Variants in DYNC1I1 observed in about 807,000 individuals in gnomAD.
DYNC1I1 encodes the protein dynein cytoplasmic 1 intermediate chain 1.
DYNC1I1 carries 43 observed loss-of-function variants against 86.6 expected under a neutral mutation model. That is an observed-to-expected ratio of 0.50 (90% confidence interval 0.39 to 0.64). The LOEUF (loss-of-function observed/expected upper bound fraction) is 0.64. DYNC1I1 is among the 30% of genes least tolerant of loss of function. The pLI is 0.00. For synonymous variants in DYNC1I1, 262 were observed against 283.7 expected, an observed-to-expected ratio of 0.92 and a Z score of 0.77; for missense variants, 604 against 788.8, an observed-to-expected ratio of 0.77 and a Z score of 2.81.
At chr7:96,075,346 T>C (rs1790298008) in intron 14 of DYNC1I1, among the ~76,000 whole-genome samples, 1 of 152,070 alleles carries the variant, frequency 6.6e-6, no homozygotes, top group Non-Finnish European at 1.5e-5. Flanking sequence ...AAACACTGGG[T>C]GATCTAGGAA....
chr7:95,841,395 G>A (rs1747711393), intron 5 of DYNC1I1, among the ~76,000 whole-genome samples: 1 of 152,024 alleles, frequency 6.6e-6, no homozygotes, highest in African/African-American at 2.4e-5. Flanking sequence ...GATGTATAGT[G>A]TAACCCCTCC....
chr7:96,083,155 T>C (rs1378192987), intron 16 of DYNC1I1, among the ~76,000 whole-genome samples: 1 of 152,178 alleles, frequency 6.6e-6, no homozygotes. Flanking sequence ...AGCCCTTCTC[T>C]GAATGACCGA....
intron 4 of DYNC1I1, among the ~76,000 whole-genome samples, chr7:95,826,581 C>T (rs1299327617): frequency 1.3e-5 from 2 of 152,050 alleles, no homozygotes; most frequent in Admixed American, 1.3e-4. Flanking sequence ...TGTAGCCACC[C>T]CTGCCATTAT....
intron 14 of DYNC1I1, among the ~76,000 whole-genome samples, chr7:96,068,979 G>T (rs1790078032): frequency 6.6e-6 from 1 of 152,106 alleles, no homozygotes; most frequent in South Asian, 2.1e-4. Context: ...AATAAGTCAA[G>T]CCTGCATATT....
intron 5 of DYNC1I1, among the ~76,000 whole-genome samples, chr7:95,831,962 T>G (rs1362162895): frequency 1.3e-5 from 2 of 152,036 alleles, no homozygotes; most frequent in Non-Finnish European, 2.9e-5. Context: ...TTGTATTGGT[T>G]GTTTTCTTTT....
intron 14 of DYNC1I1, among the ~76,000 whole-genome samples, chr7:96,064,207 CAT>C (rs1226140283): frequency 1.6e-5 from 2 of 122,210 alleles, no homozygotes; most frequent in African/African-American, 6.9e-5. Flanking sequence ...AAGAAATATT[CAT>C]ATCTCTCTCT....
chr7:95,891,327 A>G (rs937865636), intron 6 of DYNC1I1, among the ~76,000 whole-genome samples: 4 of 152,226 alleles, frequency 2.6e-5, no homozygotes, highest in Admixed American at 2.6e-4. Context: ...GTGGGCTTCA[A>G]AATAAAATAG....
At chr7:96,015,284 T>G (rs1794373205) in intron 10 of DYNC1I1, among the ~76,000 whole-genome samples, 1 of 152,184 alleles carries the variant, frequency 6.6e-6, no homozygotes, top group Admixed American at 6.5e-5. Flanking sequence ...ATTATCACAT[T>G]TATTCTAGCT....
Position 95,803,277 on chromosome 7 carries a change from T to G in DYNC1I1, c.-9-1444T>G, listed in dbSNP as rs567622230. 1.8e-4 allele frequency among the ~76,000 whole-genome samples: 28 copies of G among 152,350 alleles called. 1 individual carries two copies. Among genetic ancestry groups the G allele is most frequent in the African/African-American group, 5.0e-4 (21 of 41,596 alleles). ...TCTCAGAGAACATCTCCATCCACAC[T>G]GCATGTCCACAAATTTGAGCTATAC... is the stretch of plus-strand genomic sequence containing the variant. On this transcript the variant is annotated intron_variant, in intron 1 of 16. Coordinates refer to ENST00000447467, the MANE Select transcript of DYNC1I1 (RefSeq NM_001135556.2).
At chr7:96,068,300 A>G (rs931084658) in intron 14 of DYNC1I1, among the ~76,000 whole-genome samples, 1 of 152,224 alleles carries the variant, frequency 6.6e-6, no homozygotes, top group Admixed American at 6.5e-5. Flanking sequence ...TTTGAACAAA[A>G]TATGTTGAAC....
chr7:96,095,372 T>C (rs1790970468), intron 16 of DYNC1I1, among the ~76,000 whole-genome samples: 2 of 152,190 alleles, frequency 1.3e-5, no homozygotes, highest in African/African-American at 2.4e-5. Flanking sequence ...TAATAGTCTA[T>C]AGTTTCTACA....
chr7:95,802,001 A>C (rs1173706576), intron 1 of DYNC1I1, among the ~76,000 whole-genome samples: 2 of 151,900 alleles, frequency 1.3e-5, no homozygotes, highest in Non-Finnish European at 2.9e-5. Context: ...TGCTTGCTCA[A>C]TTACTCCCTT....
intron 6 of DYNC1I1, among the ~76,000 whole-genome samples, chr7:95,932,985 A>T (rs759764282): frequency 6.7e-6 from 1 of 149,994 alleles, no homozygotes; most frequent in Non-Finnish European, 1.5e-5. Context: ...GGCTCAAGTG[A>T]TCCTCCTGCC....
chr7:95,862,832 T>G (rs1418408659), intron 5 of DYNC1I1, among the ~76,000 whole-genome samples: 1 of 152,210 alleles, frequency 6.6e-6, no homozygotes, highest in African/African-American at 2.4e-5. Context: ...CTCAAGTTCT[T>G]TATAGAAACT....
At position 95,786,843 on chromosome 7, in the gene DYNC1I1, G is replaced by A. The variant is rs1475381738; in HGVS notation, c.-10+14070G>A. 2.1e-5 allele frequency among the ~76,000 whole-genome samples: 3 copies of A among 145,004 alleles called. No homozygotes were observed. The East Asian group carries it at 5.8e-4, about 28-fold the overall frequency. On this transcript the variant is annotated intron_variant, in intron 1 of 16. Coordinates refer to ENST00000447467, the MANE Select transcript of DYNC1I1 (RefSeq NM_001135556.2). Reference sequence around the variant, plus strand: ...AGGGACTGGAGCAGTGGGGAGAAATGCGCTCTGATCTGCTAAAGGAGTTTG... The same window carrying A: ...AGGGACTGGAGCAGTGGGGAGAAATACGCTCTGATCTGCTAAAGGAGTTTG...
At chr7:96,054,865 G>C (rs1179908898) in intron 14 of DYNC1I1, among the ~76,000 whole-genome samples, 1 of 152,028 alleles carries the variant, frequency 6.6e-6, no homozygotes, top group African/African-American at 2.4e-5. Flanking sequence ...CTGGATATTA[G>C]CCCTTTGTCA....
intron 4 of DYNC1I1, among the ~76,000 whole-genome samples, chr7:95,823,877 C>G (rs1350645807): frequency 2.0e-5 from 3 of 147,816 alleles, no homozygotes; most frequent in African/African-American, 5.1e-5. Context: ...GAATTTAGGC[C>G]CAAATCCTAC....
intron 14 of DYNC1I1, among the ~76,000 whole-genome samples, chr7:96,047,685 G>A (rs1789259361): frequency 6.6e-6 from 1 of 152,118 alleles, no homozygotes; most frequent in Non-Finnish European, 1.5e-5. Context: ...AGGAGATAGA[G>A]AGGCGACTAG....
intron 1 of DYNC1I1, among the ~76,000 whole-genome samples, chr7:95,782,516 G>A (rs1794020103): frequency 1.3e-5 from 2 of 152,348 alleles, no homozygotes; most frequent in South Asian, 4.1e-4. Context: ...TGGGGAGCAT[G>A]CAGACAGGCA....
Sources: allele counts gnomAD v4.1 joint callset (sites outside exome capture counted in the v4.1 genomes callset), GRCh38; gene constraint gnomAD v4.1.1; transcripts MANE v1.5; gene names NCBI Gene and HGNC (gene_info 2026-07-23, HGNC 2026-07-21).